TRPC4: variants seen among roughly 807,000 people sequenced by gnomAD.
The protein encoded by TRPC4 is short transient receptor potential channel 4.
A neutral mutation model predicts 99.4 loss-of-function variants in TRPC4; 49 were observed. That is an observed-to-expected ratio of 0.49 (90% CI 0.39 to 0.63). The LOEUF (loss-of-function observed/expected upper bound fraction) is 0.63, where lower values mean the gene tolerates loss of function less well. Ranked by LOEUF, TRPC4 falls within the 20% of genes least tolerant of loss-of-function variation. TRPC4 has a pLI of 0.00. For missense variants in TRPC4, 898 were observed against 1,152.9 expected (o/e 0.78, Z 3.20); for synonymous variants, 454 against 425.9 (o/e 1.07, Z -0.81).
chr13:37,754,885 C>G (rs1259529961), intron 2 of TRPC4, among the ~76,000 whole-genome samples: 2 of 152,098 alleles, frequency 1.3e-5, no homozygotes, highest in African/African-American at 4.8e-5. Context: ...TAAAATGTAT[C>G]TACATATTTC....
chr13:37,649,998 C>T (rs1198978523), intron 8 of TRPC4, among the ~76,000 whole-genome samples: 2 of 152,088 alleles, frequency 1.3e-5, no homozygotes, highest in South Asian at 2.1e-4. Flanking sequence ...AATAGAACTG[C>T]ATCTCCTAAT....
chr13:37,667,088 G>T (rs551212156), intron 5 of TRPC4, among the ~76,000 whole-genome samples: 1 of 152,212 alleles, frequency 6.6e-6, no homozygotes, highest in East Asian at 1.9e-4. Flanking sequence ...CTTATGAATG[G>T]CAACAGGTCA....
intron 3 of TRPC4, among the ~76,000 whole-genome samples, chr13:37,714,188 G>T: frequency 6.6e-6 from 1 of 151,398 alleles, no homozygotes; most frequent in Non-Finnish European, 1.5e-5. Context: ...GTGCAGTGGT[G>T]TGATCTTGGC....
chr13:37,820,011 T>C (rs1030594765), intron 1 of TRPC4, among the ~76,000 whole-genome samples: 1 of 151,782 alleles, frequency 6.6e-6, no homozygotes, highest in African/African-American at 2.4e-5. Flanking sequence ...TCCAGGAGTT[T>C]GTTTTTTAAA....
chr13:37,705,430 T>C (rs1054310771), intron 3 of TRPC4, among the ~76,000 whole-genome samples: 1 of 152,048 alleles, frequency 6.6e-6, no homozygotes, highest in African/African-American at 2.4e-5. Context: ...TCATTGAGAG[T>C]ATATTTTAAG....
intron 2 of TRPC4, among the ~76,000 whole-genome samples, chr13:37,755,279 A>AAG (rs397940179): frequency 6.6e-6 from 1 of 150,444 alleles, no homozygotes; most frequent in African/African-American, 2.5e-5. Context: ...AAAAAAAAAA[A>AAG]GAAGAAATAG....
intron 1 of TRPC4, among the ~76,000 whole-genome samples, chr13:37,821,494 C>A (rs904148438): frequency 1.3e-5 from 2 of 151,942 alleles, no homozygotes; most frequent in African/African-American, 4.8e-5. Context: ...AAGAAGAGTC[C>A]AAATAGCCAA....
At chr13:37,767,725 C>A (rs912573368) in intron 2 of TRPC4, among the ~76,000 whole-genome samples, 1 of 151,442 alleles carries the variant, frequency 6.6e-6, no homozygotes, top group East Asian at 2.0e-4. Context: ...CCAGATTGTA[C>A]TTTGCCAGAT....
intron 8 of TRPC4, 50 bp from the exon 9 acceptor site, chr13:37,639,349 T>G (rs1350859716): frequency 6.5e-7 from 1 of 1,529,782 alleles, no homozygotes. Context: ...ATATTACTAT[T>G]CTAAAAAATA....
chr13:37,736,301 G>C (rs1392759471), intron 3 of TRPC4, among the ~76,000 whole-genome samples: 1 of 152,110 alleles, frequency 6.6e-6, no homozygotes, highest in Non-Finnish European at 1.5e-5. Flanking sequence ...CACAACCATG[G>C]AGAAAAGAGA....
At chr13:37,782,818 A>G (rs1956873096) in intron 2 of TRPC4, 138 bp downstream of exon 2, 2 of 844,388 alleles carry the variant, frequency 2.4e-6, no homozygotes, top group East Asian at 2.8e-5. Context: ...TTCTGTTATA[A>G]TATAGTTCAG....
intron 1 of TRPC4, among the ~76,000 whole-genome samples, chr13:37,812,197 C>CAAAAAAAAAAAAAAAAAAAAAAAAA (rs1156963631): frequency 5.1e-4 from 57 of 111,212 alleles, no homozygotes; most frequent in African/African-American, 6.2e-4. Flanking sequence ...AAAAAAAAAC[C>CAAAAAAAAAAAAAAAAAAAAAAAAA]AGGAGATCTA....
chr13:37,745,436 GTATATATATATATATA>G (rs1201385469), intron 3 of TRPC4, among the ~76,000 whole-genome samples: 2 of 20,726 alleles, frequency 9.6e-5, no homozygotes, highest in African/African-American at 1.9e-4. Context: ...ATATATATGC[GTATATATATATATATA>G]TATATATATA....
chr13:37,858,227 C>T (rs1296796557), intron 1 of TRPC4, among the ~76,000 whole-genome samples: 2 of 151,446 alleles, frequency 1.3e-5, no homozygotes, highest in Non-Finnish European at 3.0e-5. Flanking sequence ...ATCTCCTCAC[C>T]CCAGTTAAAA....
intron 1 of TRPC4, among the ~76,000 whole-genome samples, chr13:37,783,920 C>T (rs1388910016): frequency 6.6e-6 from 1 of 151,824 alleles, no homozygotes; most frequent in East Asian, 1.9e-4. Flanking sequence ...GTTGCCCAGG[C>T]TGGTCTCGAA....
At chr13:37,687,486 TG>T (rs1953524563) in intron 4 of TRPC4, among the ~76,000 whole-genome samples, 1 of 152,202 alleles carries the variant, frequency 6.6e-6, no homozygotes, top group Admixed American at 6.5e-5. Context: ...TTCAAAAGTT[TG>T]TTTTTCCCAT....
intron 3 of TRPC4, among the ~76,000 whole-genome samples, chr13:37,707,136 T>A (rs1056700256): frequency 2.6e-5 from 4 of 152,136 alleles, no homozygotes; most frequent in Non-Finnish European, 5.9e-5. Context: ...TGCAGGAAAA[T>A]ATTGATGTTA....
At position 37,835,727 on chromosome 13, in the gene TRPC4, T is replaced by C. The variant is rs191838803; in HGVS notation, c.-28+33868A>G. 1.8e-3 allele frequency among the ~76,000 whole-genome samples: 280 copies of C among 152,330 alleles called. 2 individuals are homozygous for C. The South Asian group carries it at 0.025, about 14-fold the overall frequency. ...TGTATCCTAGCTATTCTCAAGCTTA[T>C]TTTTAGATTCAACACATAAGGTGCA... On this transcript the variant is annotated intron_variant, in intron 1 of 10. Transcript: ENST00000379705.
At chr13:37,728,693 T>C (rs1024685125) in intron 3 of TRPC4, among the ~76,000 whole-genome samples, 1 of 152,032 alleles carries the variant, frequency 6.6e-6, no homozygotes, top group African/African-American at 2.4e-5. Context: ...CTAAAATCCA[T>C]ATGGAATCTC....
Sources: gnomAD v4.1 joint callset for allele counts (sites outside exome capture counted in the v4.1 genomes callset) on GRCh38, gnomAD v4.1.1 for gene constraint, MANE v1.5 for transcripts, NCBI Gene and HGNC (gene_info 2026-07-23, HGNC 2026-07-21) for gene names.